KIAA1671: variants seen among roughly 807,000 people sequenced by gnomAD.
KIAA1671 encodes uncharacterized protein KIAA1671.
Under a neutral mutation model 131.2 loss-of-function variants are expected in KIAA1671, and 52 were observed. The ratio of observed to expected loss-of-function variants is 0.40; its 90% CI spans 0.32 to 0.50. The LOEUF (loss-of-function observed/expected upper bound fraction) is 0.50. KIAA1671 is among the 20% of genes least tolerant of loss of function. KIAA1671 has a pLI of 0.73. For missense variants in KIAA1671, 2,360 were observed against 2,364.2 expected (o/e 1.00, Z 0.04); for synonymous variants, 1,003 against 961.6 (o/e 1.04, Z -0.80).
chr22:25,107,219 A>C (rs1931056653), intron 6 of KIAA1671, among the ~76,000 whole-genome samples: 1 of 151,382 alleles, frequency 6.6e-6, no homozygotes, highest in Non-Finnish European at 1.5e-5. Context: ...AAATGGTGAA[A>C]CCCCCCCATG....
In KIAA1671 at chr22:25,033,226, GA is replaced by G. The variant is rs533810224; in HGVS notation, c.1629+540del. Among the ~76,000 whole-genome samples, 294 of 150,304 alleles carry G rather than the reference GA, an allele frequency of 2.0e-3. 7 individuals carry two copies. In the South Asian group the frequency reaches 0.04, roughly 21 times the overall value. ...CATAGTGAGACTCTTATCTCTAAAA[GA>G]AAAAAAAAATTTTTTTTAATTAGCC... On this transcript the variant is annotated intron_variant, in intron 4 of 12. Coordinates refer to ENST00000358431, the MANE Select transcript of KIAA1671 (RefSeq NM_001145206.2).
At position 25,184,629 on chromosome 22, in the gene KIAA1671, C is replaced by T. The variant is rs369564331; in HGVS notation, c.5200-348C>T. On this transcript the variant is annotated intron_variant, in intron 10 of 12. Transcript: ENST00000358431. ...ATGGCTCCAGGAGTAAGGAACTGAA[C>T]GGAGCTAAGCTGCAGCTGTTGGATG... Among the ~76,000 whole-genome samples, 5 of 152,262 alleles carry T rather than the reference C, an allele frequency of 3.3e-5. No individual in the cohort carries two copies. In the South Asian group the frequency reaches 8.3e-4, roughly 25 times the overall value.
chr22:24,970,624 C>T (rs56039980), intron 1 of KIAA1671, among the ~76,000 whole-genome samples: 1 of 151,652 alleles, frequency 6.6e-6, no homozygotes, highest in Non-Finnish European at 1.5e-5. Flanking sequence ...TCATCATCAT[C>T]TAGTACAGGG....
At chr22:25,180,346 C>T (rs974385213) in intron 9 of KIAA1671, among the ~76,000 whole-genome samples, 1 of 152,220 alleles carries the variant, frequency 6.6e-6, no homozygotes, top group African/African-American at 2.4e-5. Context: ...TGAGACCATT[C>T]TGGCCAACAT....
In KIAA1671 at chr22:25,036,300, G is replaced by A. The variant is rs900641486; in HGVS notation, c.1630-2460G>A. ...TCTCCATGTTGGTCAGGCTGGTCTC[G>A]AACTCCCGACCTCAGGTGATCCACC... On this transcript the variant is annotated intron_variant, in intron 4 of 12. Coordinates refer to ENST00000358431, the MANE Select transcript of KIAA1671 (RefSeq NM_001145206.2). Among the ~76,000 whole-genome samples the A allele has an allele frequency of 3.9e-3, 591 of 151,618 alleles. 3 individuals carry two copies. The highest frequency in any genetic ancestry group is 0.014 in the African/African-American group (563 of 41,366).
Position 25,040,809 on chromosome 22 carries a change from G to A in KIAA1671, c.3679G>A (p.Val1227Met). ...GEAQERRSPTVEPSTLPRERP... is the reference protein window; with the variant it reads ...GEAQERRSPTMEPSTLPRERP... The stretch of plus-strand genomic sequence containing the variant: ...GGCTCAGGAGAGGAGGAGTCCCACC[G>A]TGGAGCCCAGTACGTTGCCTCGGGA... Residue 1227 changes from valine (V) to methionine (M), a missense_variant, in exon 5 of 13, where the codon GTG (valine) becomes ATG (methionine). Around this residue, in one of 3 missense-constraint regions of KIAA1671, gnomAD observed 1,161 missense variants for 1,204.7 expected, o/e 0.96. Transcript: ENST00000358431. The A allele has an allele frequency of 1.2e-5, 18 of 1,551,704 alleles. No homozygotes were observed. Among genetic ancestry groups the A allele is most frequent in the Non-Finnish European group, 1.3e-5 (15 of 1,147,008 alleles).
intron 1 of KIAA1671, among the ~76,000 whole-genome samples, chr22:24,960,829 G>A (rs568900823): frequency 3.0e-4 from 46 of 151,964 alleles, no homozygotes; most frequent in Non-Finnish European, 5.7e-4. Flanking sequence ...CAGCAGAGTG[G>A]CTATACCTTT....
chr22:25,169,740 A>G (rs1448846220), intron 6 of KIAA1671, among the ~76,000 whole-genome samples: 1 of 152,112 alleles, frequency 6.6e-6, no homozygotes, highest in East Asian at 1.9e-4. Context: ...TTCTGTGCTA[A>G]TCAGCACCCT....
At chr22:25,013,019 G>T (rs2123878988) in intron 1 of KIAA1671, 1 of 152,400 alleles carries the variant, frequency 6.6e-6, no homozygotes, top group African/African-American at 2.4e-5. Flanking sequence ...GGGGAACTGA[G>T]AGTGGAGGGG....
At chr22:25,182,135 C>T (rs753627730) in intron 10 of KIAA1671, among the ~76,000 whole-genome samples, 3 of 151,860 alleles carry the variant, frequency 2.0e-5, no homozygotes, top group African/African-American at 7.3e-5. Flanking sequence ...GCCGAGATTG[C>T]GCCACGGCAC....
rs1926758854 is a variant in KIAA1671 at position 25,038,879 on chromosome 22, C to A, written c.1749C>A (p.Asp583Glu). 6.4e-7 allele frequency: 1 copy of A among 1,551,788 alleles called. No homozygotes were observed. The highest frequency in any genetic ancestry group is 8.7e-7 in the Non-Finnish European group (1 of 1,147,006). Residue 583 changes from aspartate to glutamate, a missense_variant, in exon 5 of 13, where the codon GAC becomes GAA. Around this residue, in one of 3 missense-constraint regions of KIAA1671, gnomAD observed 1,185 missense variants for 1,126.2 expected, o/e 1.05. Transcript: ENST00000358431. ...EQKVSSNQDP[D>E]SCRGGSSVEA... ...AGGTTAGCTCTAACCAAGACCCCGACAGCTGTCGCGGTGGAAGCTCAGTGG... is the reference window on the plus strand; with the variant it reads ...AGGTTAGCTCTAACCAAGACCCCGAAAGCTGTCGCGGTGGAAGCTCAGTGG...
chr22:25,085,235 C>G (rs1929642523), intron 6 of KIAA1671, among the ~76,000 whole-genome samples: 1 of 152,238 alleles, frequency 6.6e-6, no homozygotes, highest in Non-Finnish European at 1.5e-5. Context: ...CTCTCAGCAG[C>G]CGATTCAAAG....
chr22:25,043,833 C>A (rs1014348117), intron 5 of KIAA1671, among the ~76,000 whole-genome samples: 1 of 152,020 alleles, frequency 6.6e-6, no homozygotes, highest in African/African-American at 2.4e-5. Context: ...GACTTAGCAC[C>A]GCCCTGTGTG....
At chr22:25,103,558 C>T (rs1229371917) in intron 6 of KIAA1671, among the ~76,000 whole-genome samples, 1 of 152,124 alleles carries the variant, frequency 6.6e-6, no homozygotes, top group African/African-American at 2.4e-5. Context: ...CGAGGTTTCA[C>T]CGTGTTAGCC....
At chr22:24,976,593 G>A (rs1232507157) in intron 1 of KIAA1671, among the ~76,000 whole-genome samples, 1 of 152,156 alleles carries the variant, frequency 6.6e-6, no homozygotes, top group Non-Finnish European at 1.5e-5. Flanking sequence ...TCCCACCTGT[G>A]ACGCAGAGAG....
At chr22:24,964,102 G>C (rs994744354) in intron 1 of KIAA1671, among the ~76,000 whole-genome samples, 1 of 152,170 alleles carries the variant, frequency 6.6e-6, no homozygotes, top group Non-Finnish European at 1.5e-5. Flanking sequence ...GCCAAGGCAG[G>C]CGGATCACTT....
At chr22:25,174,532 C>T (rs200877756) in intron 8 of KIAA1671, 43 bp downstream of exon 8, 779 of 1,474,396 alleles carry the variant, frequency 5.3e-4, no homozygotes, top group Non-Finnish European at 6.6e-4. Context: ...ATGGAAATTC[C>T]AGCCTCTCTC....
chr22:24,985,864 C>G (rs894182102), intron 1 of KIAA1671, among the ~76,000 whole-genome samples: 1 of 152,048 alleles, frequency 6.6e-6, no homozygotes, highest in Non-Finnish European at 1.5e-5. Flanking sequence ...TCTGGAATAG[C>G]CCCTTCCCAT....
chr22:25,117,620 CACACACACACACACACAG>C (rs1431145299), intron 6 of KIAA1671, among the ~76,000 whole-genome samples: 1 of 151,442 alleles, frequency 6.6e-6, no homozygotes, highest in Non-Finnish European at 1.5e-5. Context: ...CACACACACA[CACACACACACACACACAG>C]ACACACTGCT....
Sources: allele counts gnomAD v4.1 joint callset (sites outside exome capture counted in the v4.1 genomes callset), GRCh38; gene constraint gnomAD v4.1.1; regional missense constraint gnomAD v4.1.1; transcripts MANE v1.5; gene names NCBI Gene and HGNC (gene_info 2026-07-23, HGNC 2026-07-21).